Variants in DIP2C observed in about 807,000 individuals in gnomAD.
The protein encoded by DIP2C is disco-interacting protein 2 homolog C.
Under a neutral mutation model 192.4 loss-of-function variants are expected in DIP2C, and 33 were observed. The observed-to-expected ratio is 0.17, with a 90% CI of 0.13 to 0.23. The LOEUF (loss-of-function observed/expected upper bound fraction) is 0.23, where lower values mean the gene tolerates loss of function less well. Ranked by LOEUF, DIP2C falls within the 10% of genes least tolerant of loss-of-function variation. The pLI is 1.00. For synonymous variants in DIP2C, 979 were observed against 864.1 expected (o/e 1.13, Z -2.33); for missense variants, 1,537 against 2,110.1 (o/e 0.73, Z 5.32).
intron 5 of DIP2C, among the ~76,000 whole-genome samples, chr10:421,741 G>A (rs116472662): frequency 2.0e-5 from 3 of 152,084 alleles, no homozygotes; most frequent in Non-Finnish European, 2.9e-5. Flanking sequence ...AAAAGAAATG[G>A]TTTTTTTCAT....
chr10:557,328 G>A (rs1848931768), intron 1 of DIP2C, among the ~76,000 whole-genome samples: 2 of 152,148 alleles, frequency 1.3e-5, no homozygotes, highest in Non-Finnish European at 2.9e-5. Context: ...CAGGGGGACA[G>A]GGCCAGAACC....
At chr10:645,044 G>A (rs757338343) in intron 1 of DIP2C, among the ~76,000 whole-genome samples, 5 of 152,290 alleles carry the variant, frequency 3.3e-5, no homozygotes, top group South Asian at 2.1e-4. Context: ...AGACCCCTCC[G>A]GATGAGGTGG....
At chr10:517,392 A>G (rs148640740) in intron 1 of DIP2C, among the ~76,000 whole-genome samples, 19 of 152,272 alleles carry the variant, frequency 1.2e-4, no homozygotes, top group African/African-American at 3.4e-4. Context: ...CTGAGTCAGC[A>G]GCTGTTTTCT....
chr10:513,817 G>A (rs1352426441), intron 1 of DIP2C, among the ~76,000 whole-genome samples: 2 of 152,050 alleles, frequency 1.3e-5, no homozygotes, highest in South Asian at 2.1e-4. Flanking sequence ...AAACCTAATC[G>A]AACCTCTCAA....
chr10:484,642 G>A (rs762866098), intron 2 of DIP2C: 29 of 1,233,650 alleles, frequency 2.4e-5, no homozygotes, highest in Middle Eastern at 2.8e-4. Flanking sequence ...CCTGTGGAGC[G>A]ACCTGGCTCA....
At chr10:371,470 T>C (rs1316732499) in intron 17 of DIP2C, among the ~76,000 whole-genome samples, 1 of 152,184 alleles carries the variant, frequency 6.6e-6, no homozygotes, top group Non-Finnish European at 1.5e-5. Context: ...TGGGTTAGAA[T>C]GGACCCTAAA....
chr10:577,967 G>A (rs1850282208), intron 1 of DIP2C, among the ~76,000 whole-genome samples: 1 of 152,044 alleles, frequency 6.6e-6, no homozygotes, highest in Admixed American at 6.6e-5. Flanking sequence ...GATTATTCTT[G>A]CAATCCTCCA....
At chr10:455,376 G>A (rs1197906925) in intron 3 of DIP2C, among the ~76,000 whole-genome samples, 1 of 126,050 alleles carries the variant, frequency 7.9e-6, no homozygotes, top group Non-Finnish European at 1.8e-5. Flanking sequence ...CCCTGCCTGA[G>A]GGGAGACCGT....
intron 1 of DIP2C, among the ~76,000 whole-genome samples, chr10:579,400 T>G (rs946922635): frequency 1.2e-4 from 18 of 151,814 alleles, no homozygotes; most frequent in African/African-American, 4.1e-4. Context: ...TGTACACACA[T>G]CCAGATCCAT....
chr10:539,610 A>G (rs959138003), intron 1 of DIP2C, among the ~76,000 whole-genome samples: 2 of 152,218 alleles, frequency 1.3e-5, no homozygotes, highest in Non-Finnish European at 2.9e-5. Flanking sequence ...ACTAAATCTA[A>G]TCTTTTGTTA....
At position 674,771 on chromosome 10, in the gene DIP2C, A is replaced by AATATATATATATATAT. The variant is rs375454744; in HGVS notation, c.85+14707_85+14722dup. Among the ~76,000 whole-genome samples, 199 of 27,624 alleles carry AATATATATATATATAT rather than the reference A, an allele frequency of 7.2e-3. 6 individuals carry two copies. Among genetic ancestry groups the AATATATATATATATAT allele is most frequent in the Middle Eastern group, 0.056 (2 of 36 alleles). 18.1% of individuals were successfully genotyped at this position (27,624 alleles called of 152,430 possible). A position where few individuals can be genotyped will look rare whatever the true frequency, so the allele number is the denominator to read the frequency against. On this transcript the variant is annotated intron_variant, in intron 1 of 36. Transcript: ENST00000280886. ...GCAACAAAAGCAAAACTCCATCTCA[A>AATATATATATATATAT]ATATATATATATATATATAGAGAGA...
At chr10:408,707 C>T (rs1964981631) in intron 9 of DIP2C, among the ~76,000 whole-genome samples, 1 of 152,212 alleles carries the variant, frequency 6.6e-6, no homozygotes, top group African/African-American at 2.4e-5. Flanking sequence ...GGGCATAAAG[C>T]ATGGACAAGA....
At chr10:356,010 G>T (rs763982483) in intron 24 of DIP2C, among the ~76,000 whole-genome samples, 6 of 152,220 alleles carry the variant, frequency 3.9e-5, no homozygotes, top group Non-Finnish European at 7.3e-5. Flanking sequence ...AACCAGGGAG[G>T]TGGAGGTTGC....
chr10:591,132 G>GC (rs150650181), intron 1 of DIP2C, among the ~76,000 whole-genome samples: 8,217 of 151,856 alleles, frequency 0.054, 759 homozygotes, highest in African/African-American at 0.19. Context: ...TTTTTGTTTT[G>GC]TTTTTTTTAG....
At chr10:300,629 C>T (rs181069915) in intron 32 of DIP2C, among the ~76,000 whole-genome samples, 161 of 149,200 alleles carry the variant, frequency 1.1e-3, no homozygotes, top group African/African-American at 3.8e-3. Flanking sequence ...AACCCAGGCG[C>T]GGCCCTGAGC....
At chr10:649,243 G>A (rs1382168518) in intron 1 of DIP2C, among the ~76,000 whole-genome samples, 1 of 150,450 alleles carries the variant, frequency 6.6e-6, no homozygotes, top group East Asian at 2.0e-4. Context: ...ACATTTGATG[G>A]TGGGCGAGAA....
At chr10:393,787 A>AAAAAAAAAAG (rs1411653334) in intron 10 of DIP2C, among the ~76,000 whole-genome samples, 1 of 148,052 alleles carries the variant, frequency 6.8e-6, no homozygotes, top group Non-Finnish European at 1.5e-5. Flanking sequence ...TCAAAAAAAA[A>AAAAAAAAAAG]AAAAAAAAAG....
At chr10:368,495 G>A (rs1317490020) in intron 18 of DIP2C, among the ~76,000 whole-genome samples, 1 of 152,186 alleles carries the variant, frequency 6.6e-6, no homozygotes, top group African/African-American at 2.4e-5. Flanking sequence ...GAGGGCGTCC[G>A]CAGGGAATCA....
intron 1 of DIP2C, among the ~76,000 whole-genome samples, chr10:489,714 G>A (rs4348821): frequency 0.28 from 29,855 of 107,484 alleles, 2,395 homozygotes; most frequent in East Asian, 0.49. Flanking sequence ...CTCTGACGGT[G>A]CCCGGGGCTT....
Sources: gnomAD v4.1 joint callset for allele counts (sites outside exome capture counted in the v4.1 genomes callset) on GRCh38, gnomAD v4.1.1 for gene constraint, MANE v1.5 for transcripts, NCBI Gene and HGNC (gene_info 2026-07-23, HGNC 2026-07-21) for gene names.